ZNF541: variants seen among roughly 807,000 people sequenced by gnomAD.
ZNF541 encodes zinc finger protein 541.
ZNF541 carries 23 observed loss-of-function variants against 123.5 expected under a neutral mutation model. The ratio of observed to expected loss-of-function variants is 0.19; its 90% CI spans 0.13 to 0.26. ZNF541 has a LOEUF of 0.26. Among genes scored for constraint, ZNF541 ranks in the 10% least tolerant of loss-of-function variants. ZNF541 has a pLI of 1.00. For missense variants in ZNF541, 1,612 were observed against 1,789.9 expected (o/e 0.90, Z 1.79); for synonymous variants, 751 against 754.5 (o/e 1.00, Z 0.08).
chr19:47,527,490 T>C (rs980625667), intron 14 of ZNF541, among the ~76,000 whole-genome samples: 8 of 151,368 alleles, frequency 5.3e-5, no homozygotes, highest in South Asian at 2.1e-4. Context: ...TCACCTCCTA[T>C]GCTCAAGCAA....
In ZNF541 at chr19:47,521,816, G is replaced by A; in HGVS notation, c.3711+38C>T. ...ACTCAACGGGTAGCAGGCACTGGGA[G>A]GAGAGAAGAGCTCCCGACACAGCCC... On this transcript the variant is annotated intron_variant, in intron 15 of 16. Transcript: ENST00000391901. This position sits in a 1 kb window ranked among gnomAD's most constrained non-coding sequence, Gnocchi z 4.2. The A allele has an allele frequency of 1.3e-6, 2 of 1,544,652 alleles. No homozygotes were observed. The highest frequency in any genetic ancestry group is 1.8e-6 in the Non-Finnish European group (2 of 1,142,622).
intron 2 of ZNF541, among the ~76,000 whole-genome samples, chr19:47,558,788 A>G (rs936066456): frequency 2.7e-5 from 4 of 148,082 alleles, no homozygotes; most frequent in African/African-American, 7.5e-5. Flanking sequence ...TCTGTTGCCC[A>G]GGCTAGAGTG....
At position 47,521,739 on chromosome 19, in the gene ZNF541, G is replaced by A; in HGVS notation, c.3712-85C>T. On this transcript the variant is annotated intron_variant, in intron 15 of 16. Coordinates refer to ENST00000391901, the MANE Select transcript of ZNF541 (RefSeq NM_001277075.3). The surrounding 1 kb of genome is among the most constrained non-coding windows in gnomAD (Gnocchi z 4.2). ...AGAGCTGGGGGCATACGTGTCTCCT[G>A]CAGGAAAACCCTTCCATCAGGAGCA... 1 of 1,520,558 alleles carries A rather than the reference G, an allele frequency of 6.6e-7. No individual in the cohort carries two copies. The highest frequency in any genetic ancestry group is 1.3e-5 in the South Asian group (1 of 79,964). The allele number at this position is 1,520,558 out of a possible 1,614,324, so 94.2% of individuals were successfully genotyped here. A position where few individuals can be genotyped will look rare whatever the true frequency, so the allele number is the denominator to read the frequency against.
At chr19:47,536,684 G>T (rs1454507257) in intron 9 of ZNF541, among the ~76,000 whole-genome samples, 1 of 152,190 alleles carries the variant, frequency 6.6e-6, no homozygotes, top group African/African-American at 2.4e-5. Context: ...GTTGAGCCCA[G>T]GAGGTTGAAG....
chr19:47,545,160 A>G lies in ZNF541; in HGVS notation c.1369T>C (p.Ser457Pro). Residue 457 changes from serine to proline, a missense_variant, in exon 5 of 17, where the codon TCG becomes CCG. Around this residue, in one of 5 missense-constraint regions of ZNF541, gnomAD observed 1,080 missense variants for 1,013.8 expected, o/e 1.07. Transcript: ENST00000391901. This position sits in a 1 kb window ranked among gnomAD's most constrained non-coding sequence, Gnocchi z 7.5. ...SGPGPSSGSP[S>P]EESPPGPGGG... ...CCGGGGCCGGGCGGGGACTCCTCCGAGGGGCTTCCGCTGCTGGGTCCCGGG... is the reference window on the plus strand; with the variant it reads ...CCGGGGCCGGGCGGGGACTCCTCCGGGGGGCTTCCGCTGCTGGGTCCCGGG... The G allele has an allele frequency of 6.7e-7, 1 of 1,494,426 alleles. No individual in the cohort carries two copies. Among genetic ancestry groups the G allele is most frequent in the Non-Finnish European group, 8.9e-7 (1 of 1,120,906 alleles). 92.6% of individuals were successfully genotyped at this position (1,494,426 alleles called of 1,614,324 possible).
chr19:47,549,370 G>C lies in ZNF541; in HGVS notation c.423C>G (p.Asp141Glu), dbSNP rs898491325. 1.1e-5 allele frequency: 17 copies of C among 1,551,756 alleles called. No individual in the cohort carries two copies. The African/African-American group carries it at 1.9e-4, about 17-fold the overall frequency. ...QHSSPQNPLL[D>E]CSLCGKVFSS... is the part of the protein sequence containing the mutation. ...TGAACACCTTCCCGCACAGGCTGCAGTCCAGAAGTGGGTTTTGAGGGGAAC... is the reference window on the plus strand; with the variant it reads ...TGAACACCTTCCCGCACAGGCTGCACTCCAGAAGTGGGTTTTGAGGGGAAC... The change falls in exon 4 of 17, where the codon GAC (aspartate) becomes GAG (glutamate). Residue 141 changes from aspartate to glutamate, a missense_variant. Transcript: ENST00000391901.
At chr19:47,566,069 C>T (rs558278178) in intron 2 of ZNF541, among the ~76,000 whole-genome samples, 35 of 152,032 alleles carry the variant, frequency 2.3e-4, no homozygotes, top group Non-Finnish European at 4.6e-4. Flanking sequence ...CCCAGCTACT[C>T]AGGAGGCTGA....
chr19:47,542,731 A>G (rs1050750710), intron 5 of ZNF541, among the ~76,000 whole-genome samples: 2 of 151,742 alleles, frequency 1.3e-5, no homozygotes, highest in African/African-American at 4.8e-5. Context: ...GTGGATCACG[A>G]GGTCAGGAGT....
chr19:47,532,685 G>A (rs1317437178), intron 10 of ZNF541, among the ~76,000 whole-genome samples: 1 of 152,054 alleles, frequency 6.6e-6, no homozygotes, highest in East Asian at 1.9e-4. Context: ...TATATTTCTA[G>A]AAGGAATAAT....
intron 10 of ZNF541, 67 bp from the exon 11 acceptor site, chr19:47,532,337 G>T: frequency 6.6e-7 from 1 of 1,525,234 alleles, no homozygotes. Flanking sequence ...GTGAAATGGA[G>T]ACGCTCTGTA....
Position 47,538,227 on chromosome 19 carries a change from G to A in ZNF541, c.3009C>T (p.Ile1003=), listed in dbSNP as rs1443615810. 1.3e-6 allele frequency: 2 copies of A among 1,551,644 alleles called. No homozygotes were observed. The highest frequency in any genetic ancestry group is 4.9e-5 in the East Asian group (2 of 40,910). ...TGAAGTACACCCCAGAGCCCTCCCG[G>A]ATGGGGCTGAGCATTGGGGGTGGTG... The part of the protein sequence containing the change: ...PYTPPPMLSP[I]REGSGVYFNT... Residue 1003 remains isoleucine, a synonymous_variant, in exon 9 of 17, where the codon ATC becomes ATT. Transcript: ENST00000391901.
chr19:47,541,105 A>G, intron 5 of ZNF541, 154 bp from the exon 6 acceptor site: 1 of 642,056 alleles, frequency 1.6e-6, no homozygotes, highest in Non-Finnish European at 2.6e-6. Context: ...CAAAACAGAC[A>G]AATTAGACTT....
At position 47,533,713 on chromosome 19, in the gene ZNF541, T is replaced by G. The variant is rs181896663; in HGVS notation, c.3095-741A>C. The stretch of plus-strand genomic sequence containing the variant: ...CAAAAATTGGCTGGGCGTGGTGGAA[T>G]GTGCCTGTAATCCCAGCTACTTGGG... On this transcript the variant is annotated intron_variant, in intron 9 of 16. Coordinates refer to ENST00000391901, the MANE Select transcript of ZNF541 (RefSeq NM_001277075.3). Among the ~76,000 whole-genome samples the G allele has an allele frequency of 3.2e-3, 484 of 151,998 alleles. 1 individual carries two copies. Among genetic ancestry groups the G allele is most frequent in the African/African-American group, 0.011 (455 of 41,466 alleles).
intron 4 of ZNF541, 56 bp from the exon 5 acceptor site, chr19:47,546,036 C>A: frequency 2.1e-6 from 3 of 1,402,954 alleles, no homozygotes; most frequent in Non-Finnish European, 1.9e-6. Context: ...GGGCTTTCTG[C>A]TGTAGGACCC....
intron 13 of ZNF541, 55 bp from the exon 14 acceptor site, chr19:47,529,093 A>T (rs1016087676): frequency 7.8e-7 from 1 of 1,288,172 alleles, no homozygotes; most frequent in Non-Finnish European, 1.1e-6. Flanking sequence ...GACCACAGCC[A>T]TGGCTGAAAT....
intron 14 of ZNF541, among the ~76,000 whole-genome samples, chr19:47,528,315 C>CAAA (rs1241374840): frequency 1.4e-4 from 6 of 43,406 alleles, no homozygotes; most frequent in African/African-American, 3.9e-4. Context: ...AACTCCGTCT[C>CAAA]AAAAAAAAAA....
At chr19:47,552,690 C>T (rs921057160) in intron 3 of ZNF541, among the ~76,000 whole-genome samples, 17 of 124,496 alleles carry the variant, frequency 1.4e-4, no homozygotes, top group African/African-American at 5.4e-4. Flanking sequence ...TTGCAGTGAG[C>T]CGAGATCGCA....
At position 47,545,495 on chromosome 19, in the gene ZNF541, G is replaced by T. The variant is rs1415824591; in HGVS notation, c.1034C>A (p.Pro345Gln). Reference protein sequence around the residue: ...PEEPCLPQKEPATDVFTAPNS... With the variant: ...PEEPCLPQKEQATDVFTAPNS... ...AGGGGCTGTGAACACGTCAGTGGCC[G>T]GCTCTTTCTGTGGGAGGCAAGGCTC... The change falls in exon 5 of 17, where the codon CCG becomes CAG. Residue 345 changes from proline to glutamine, a missense_variant. Transcript: ENST00000391901. The surrounding 1 kb of genome is among the most constrained non-coding windows in gnomAD (Gnocchi z 7.5). 1 of 1,495,328 alleles carries T rather than the reference G, an allele frequency of 6.7e-7. No homozygotes were observed. The highest frequency in any genetic ancestry group is 8.9e-7 in the Non-Finnish European group (1 of 1,119,058). 92.6% of individuals were successfully genotyped at this position (1,495,328 alleles called of 1,614,324 possible).
intron 5 of ZNF541, 83 bp downstream of exon 5, chr19:47,544,038 CTGAAA>C (rs1407897267): frequency 4.2e-6 from 6 of 1,416,594 alleles, no homozygotes; most frequent in Non-Finnish European, 4.6e-6. Flanking sequence ...TGGGGACTCT[CTGAAA>C]TGAAATAAAA....
Sources: allele counts gnomAD v4.1 joint callset (sites outside exome capture counted in the v4.1 genomes callset), GRCh38; gene constraint gnomAD v4.1.1; regional missense constraint gnomAD v4.1.1; non-coding constraint Gnocchi (gnomAD v3.1); transcripts MANE v1.5; gene names NCBI Gene and HGNC (gene_info 2026-07-23, HGNC 2026-07-21).